The following TENM4 variants were observed in gnomAD, a reference collection of about 807,000 sequenced individuals.
The protein encoded by TENM4 is teneurin transmembrane protein 4, also known as teneurin-4.
Under a neutral mutation model 243.3 loss-of-function variants are expected in TENM4, and 82 were observed. That is an observed-to-expected ratio of 0.34 (90% confidence interval 0.28 to 0.40). The LOEUF (loss-of-function observed/expected upper bound fraction) is 0.40, where lower values mean the gene tolerates loss of function less well. Among genes scored for constraint, TENM4 ranks in the 10% least tolerant of loss-of-function variants. The pLI is 1.00. For missense variants in TENM4, 3,138 were observed against 3,673.3 expected, an observed-to-expected ratio of 0.85 and a Z score of 3.77; for synonymous variants, 1,412 against 1,456.3, an observed-to-expected ratio of 0.97 and a Z score of 0.69.
chr11:78,816,371 G>A (rs1296882057), intron 12 of TENM4, among the ~76,000 whole-genome samples: 1 of 152,144 alleles, frequency 6.6e-6, no homozygotes, highest in Non-Finnish European at 1.5e-5. Flanking sequence ...TTCTTTCTTT[G>A]CAATCCCAAC....
chr11:79,117,590 A>T (rs550580387), intron 4 of TENM4, among the ~76,000 whole-genome samples: 1 of 152,118 alleles, frequency 6.6e-6, no homozygotes, highest in South Asian at 2.1e-4. Flanking sequence ...TCTTCAACAA[A>T]CTTCTCATTG....
chr11:79,255,626 A>C (rs1468639139), intron 2 of TENM4, among the ~76,000 whole-genome samples: 1 of 152,264 alleles, frequency 6.6e-6, no homozygotes, highest in African/African-American at 2.4e-5. Flanking sequence ...AACACATTGA[A>C]TAGCTAAAGT....
At chr11:79,249,281 T>C (rs1440115556) in intron 2 of TENM4, among the ~76,000 whole-genome samples, 1 of 152,180 alleles carries the variant, frequency 6.6e-6, no homozygotes, top group Non-Finnish European at 1.5e-5. Flanking sequence ...ACAGAAATAT[T>C]TAACCTACCT....
chr11:78,871,014 C>G (rs907872675), intron 9 of TENM4, among the ~76,000 whole-genome samples: 5 of 152,184 alleles, frequency 3.3e-5, no homozygotes, highest in African/African-American at 1.2e-4. Context: ...TTGGCCACCC[C>G]CCACCAACCT....
intron 18 of TENM4, among the ~76,000 whole-genome samples, chr11:78,764,677 G>A (rs11823789): frequency 0.083 from 12,646 of 152,236 alleles, 1,738 homozygotes; most frequent in African/African-American, 0.29. Flanking sequence ...GCCTGTTAAC[G>A]TTCACTTAGT....
chr11:78,925,790 T>C (rs1030298973), intron 6 of TENM4, among the ~76,000 whole-genome samples: 5 of 151,792 alleles, frequency 3.3e-5, no homozygotes, highest in African/African-American at 1.2e-4. Flanking sequence ...AGTCACTGTA[T>C]CCCTTATATT....
At chr11:79,221,459 G>GA (rs896943668) in intron 2 of TENM4, among the ~76,000 whole-genome samples, 3 of 149,078 alleles carry the variant, frequency 2.0e-5, no homozygotes, top group Admixed American at 6.7e-5. Context: ...TAAAAAGGGG[G>GA]AAAAAAAAAC....
At chr11:79,220,571 T>C (rs1864137304) in intron 2 of TENM4, among the ~76,000 whole-genome samples, 1 of 152,244 alleles carries the variant, frequency 6.6e-6, no homozygotes, top group African/African-American at 2.4e-5. Flanking sequence ...TTCAACATCA[T>C]GGGCATTGCT....
intron 7 of TENM4, among the ~76,000 whole-genome samples, chr11:78,902,440 G>T (rs1294498285): frequency 1.3e-5 from 2 of 152,276 alleles, no homozygotes; most frequent in East Asian, 3.9e-4. Context: ...AGAAGGAACA[G>T]GGCAGAGGGA....
At chr11:79,058,134 A>T (rs1859987156) in intron 6 of TENM4, among the ~76,000 whole-genome samples, 1 of 152,230 alleles carries the variant, frequency 6.6e-6, no homozygotes, top group Admixed American at 6.5e-5. Context: ...TAATATTGAC[A>T]AAGAAGTTTA....
At chr11:78,763,319 G>A (rs1856471555) in intron 18 of TENM4, among the ~76,000 whole-genome samples, 1 of 152,210 alleles carries the variant, frequency 6.6e-6, no homozygotes, top group African/African-American at 2.4e-5. Context: ...GGCCCTGGAC[G>A]CTAGGGATGC....
At chr11:79,370,693 C>A (rs1401297477) in intron 1 of TENM4, among the ~76,000 whole-genome samples, 1 of 137,008 alleles carries the variant, frequency 7.3e-6, no homozygotes. Context: ...AGAAGAATAT[C>A]TTTGTGACCT....
At chr11:78,959,429 C>T (rs780792060) in intron 6 of TENM4, among the ~76,000 whole-genome samples, 8 of 152,158 alleles carry the variant, frequency 5.3e-5, no homozygotes, top group Non-Finnish European at 1.2e-4. Flanking sequence ...CTCTAATCTT[C>T]ACTCACTAGT....
At chr11:79,120,863 A>G (rs1327473208) in intron 4 of TENM4, among the ~76,000 whole-genome samples, 1 of 152,170 alleles carries the variant, frequency 6.6e-6, no homozygotes, top group Non-Finnish European at 1.5e-5. Flanking sequence ...CATTATTCTA[A>G]CTGCTTTACT....
intron 1 of TENM4, among the ~76,000 whole-genome samples, chr11:79,376,165 A>C (rs898496216): frequency 6.6e-6 from 1 of 152,230 alleles, no homozygotes; most frequent in African/African-American, 2.4e-5. Context: ...AACGCATCCA[A>C]TGGAAGACAA....
chr11:79,439,682 C>CACACACAT (rs1859357666), intron 1 of TENM4, among the ~76,000 whole-genome samples: 1 of 151,670 alleles, frequency 6.6e-6, no homozygotes, highest in Non-Finnish European at 1.5e-5. Flanking sequence ...CACACACACA[C>CACACACAT]ACACACACAC....
intron 9 of TENM4, among the ~76,000 whole-genome samples, chr11:78,882,239 T>C (rs997275941): frequency 6.6e-6 from 1 of 152,156 alleles, no homozygotes; most frequent in Non-Finnish European, 1.5e-5. Context: ...CAGATGGAAA[T>C]GAATGGGTGT....
chr11:78,967,374 C>CT (rs1857458919), intron 6 of TENM4, among the ~76,000 whole-genome samples: 1 of 152,160 alleles, frequency 6.6e-6, no homozygotes, highest in African/African-American at 2.4e-5. Flanking sequence ...GCACAAAAGT[C>CT]TATCTCAAGA....
chr11:78,668,201 C>T (rs1386899272), intron 32 of TENM4, among the ~76,000 whole-genome samples: 1 of 152,000 alleles, frequency 6.6e-6, no homozygotes, highest in Non-Finnish European at 1.5e-5. Context: ...TCTTTTTTTT[C>T]CCTCTTTTCC....
Sources: allele counts gnomAD v4.1 joint callset (sites outside exome capture counted in the v4.1 genomes callset), GRCh38; gene constraint gnomAD v4.1.1; transcripts MANE v1.5; gene names NCBI Gene and HGNC (gene_info 2026-07-23, HGNC 2026-07-21).